MBP: variants seen among roughly 807,000 people sequenced by gnomAD.
MBP encodes myelin basic protein, also known as Golli-MBP.
In MBP, 16 loss-of-function variants were observed where a neutral mutation model predicts 35.8. That is an observed-to-expected ratio of 0.45 (90% CI 0.30 to 0.68). The LOEUF (loss-of-function observed/expected upper bound fraction) is 0.68, where lower values mean the gene tolerates loss of function less well. MBP is among the 30% of genes least tolerant of loss of function. The pLI, the probability that MBP is intolerant of heterozygous loss-of-function variation, is 0.08. For missense variants in MBP, 380 were observed against 404.7 expected, an observed-to-expected ratio of 0.94 and a Z score of 0.52; for synonymous variants, 143 against 159.6, an observed-to-expected ratio of 0.90 and a Z score of 0.78.
At chr18:77,045,706 T>G (rs1251494692) in intron 3 of MBP, among the ~76,000 whole-genome samples, 1 of 152,220 alleles carries the variant, frequency 6.6e-6, no homozygotes, top group Non-Finnish European at 1.5e-5. Context: ...CAAAGCCATT[T>G]CCAAAGTTGA....
chr18:76,981,560 C>T (rs1458813948), intron 8 of MBP: 1 of 152,232 alleles, frequency 6.6e-6, no homozygotes, highest in African/African-American at 2.4e-5. Context: ...GTTGTGCTTA[C>T]ACAACTCACT....
chr18:76,987,745 A>T, intron 7 of MBP: 1 of 1,002,054 alleles, frequency 1.0e-6, no homozygotes. Context: ...TATAACTTTT[A>T]TACAGTAAGA....
At chr18:77,043,743 G>A (rs572301794) in intron 3 of MBP, among the ~76,000 whole-genome samples, 1 of 152,154 alleles carries the variant, frequency 6.6e-6, no homozygotes, top group African/African-American at 2.4e-5. Flanking sequence ...GTTGCGGCGT[G>A]GTGAGTAAAA....
intron 3 of MBP, among the ~76,000 whole-genome samples, chr18:77,028,683 C>T (rs1170652713): frequency 1.1e-5 from 1 of 88,288 alleles, no homozygotes; most frequent in African/African-American, 3.1e-5. Context: ...TCCTCACTTC[C>T]CAGTAGGGGC....
chr18:77,038,335 G>C (rs1048333427), intron 3 of MBP, among the ~76,000 whole-genome samples: 4 of 152,214 alleles, frequency 2.6e-5, no homozygotes, highest in African/African-American at 9.7e-5. Context: ...TGGCAGCCCT[G>C]GGTTCCAGGT....
intron 4 of MBP, among the ~76,000 whole-genome samples, chr18:76,997,047 G>A (rs780044904): frequency 6.6e-5 from 10 of 152,048 alleles, no homozygotes; most frequent in Non-Finnish European, 1.5e-4. Flanking sequence ...TGCCTAGAGC[G>A]TCCTCCCCCT....
At chr18:77,066,825 C>A (rs562189370) in intron 2 of MBP, among the ~76,000 whole-genome samples, 22 of 152,304 alleles carry the variant, frequency 1.4e-4, no homozygotes, top group Admixed American at 1.4e-3. Flanking sequence ...GAGAATGAGT[C>A]CTTTTAGGGA....
Position 76,986,779 on chromosome 18 carries a change from T to C in MBP, c.750+1716A>G, listed in dbSNP as rs1050699875. ...AAGTCCTTCTGTCTTACTCTATTGC[T>C]TTTCTCCAAAAATAAAGCATTTTTG... On this transcript the variant is annotated intron_variant, in intron 7 of 8. Transcript: ENST00000355994. 3.0e-6 allele frequency: 3 copies of C among 985,350 alleles called. No homozygotes were observed. In the African/African-American group the frequency reaches 5.2e-5, roughly 17 times the overall value. 61.0% of individuals were successfully genotyped at this position (985,350 alleles called of 1,614,324 possible). A position where few individuals can be genotyped will look rare whatever the true frequency, so the allele number is the denominator to read the frequency against.
In MBP at chr18:77,022,910, C is replaced by T. The variant is rs190754244; in HGVS notation, c.140-5642G>A. Among the ~76,000 whole-genome samples, 6 of 152,162 alleles carry T rather than the reference C, an allele frequency of 3.9e-5. No individual in the cohort carries two copies. In the South Asian group the frequency reaches 6.2e-4, roughly 16 times the overall value. ...GTCGTTAATATTGCCTTCAGTCAAA[C>T]GAAATCCCAATGCAGACTTTTACAT... On this transcript the variant is annotated intron_variant, in intron 3 of 8. Transcript: ENST00000355994.
chr18:77,089,940 G>A (rs1975434813), intron 2 of MBP, among the ~76,000 whole-genome samples: 1 of 152,142 alleles, frequency 6.6e-6, no homozygotes, highest in South Asian at 2.1e-4. Context: ...TGTGTCCCTG[G>A]CTGTGACAGG....
intron 3 of MBP, among the ~76,000 whole-genome samples, chr18:77,052,647 C>A (rs1047023775): frequency 3.3e-5 from 5 of 152,226 alleles, no homozygotes; most frequent in African/African-American, 1.2e-4. Flanking sequence ...TTTGTGCTCA[C>A]TGTATATCCC....
intron 1 of MBP, among the ~76,000 whole-genome samples, chr18:77,112,169 G>GCGCGCACA (rs370587502): frequency 2.6e-4 from 39 of 150,994 alleles, no homozygotes; most frequent in East Asian, 1.4e-3. Context: ...CCGTGCACAC[G>GCGCGCACA]CACACACACA....
intron 2 of MBP, among the ~76,000 whole-genome samples, chr18:77,097,978 A>G (rs1975832563): frequency 6.6e-6 from 1 of 151,918 alleles, no homozygotes; most frequent in Non-Finnish European, 1.5e-5. Context: ...GGGGAAGGAC[A>G]CCCCTGTCTC....
chr18:77,098,542 G>A (rs2290824), intron 2 of MBP, among the ~76,000 whole-genome samples: 1,677 of 152,312 alleles, frequency 0.011, 58 homozygotes, highest in East Asian at 0.085. Flanking sequence ...ACCTGCATTT[G>A]GAAAGAGCAC....
At chr18:77,035,255 C>T (rs150965815) in intron 3 of MBP, among the ~76,000 whole-genome samples, 1,632 of 152,308 alleles carry the variant, frequency 0.011, 22 homozygotes, top group African/African-American at 0.033. Flanking sequence ...CTGGGACCCA[C>T]CTGTGTCCCG....
chr18:77,068,829 A>T (rs1291752269), intron 2 of MBP, among the ~76,000 whole-genome samples: 2 of 151,488 alleles, frequency 1.3e-5, no homozygotes, highest in Non-Finnish European at 2.9e-5. Context: ...AAACAAACTG[A>T]TGTCTGGCAT....
At chr18:76,997,935 G>A (rs939437990) in intron 4 of MBP, among the ~76,000 whole-genome samples, 10 of 151,976 alleles carry the variant, frequency 6.6e-5, no homozygotes, top group Non-Finnish European at 5.9e-5. Flanking sequence ...GCCCGCCTCG[G>A]CCTCCCAAAG....
chr18:76,989,735 A>G lies in MBP; in HGVS notation c.681+221T>C, dbSNP rs1255528542. 2 of 526,286 alleles carry G rather than the reference A, an allele frequency of 3.8e-6. No homozygotes were observed. The highest frequency in any genetic ancestry group is 6.8e-6 in the Non-Finnish European group (2 of 292,966). 32.6% of individuals were successfully genotyped at this position (526,286 alleles called of 1,614,324 possible). ...TCAAGAGAAGTGAGCTCTCTGGAGA[A>G]CGCACGGAGCGCACGGTGCAATCCG... On this transcript the variant is annotated intron_variant, in intron 5 of 8. Coordinates refer to ENST00000355994, the MANE Select transcript of MBP (RefSeq NM_001025101.2). The surrounding 1 kb of genome is among the most constrained non-coding windows in gnomAD (Gnocchi z 4.0).
At chr18:76,985,473 C>A in intron 7 of MBP, 1 of 1,186,742 alleles carries the variant, frequency 8.4e-7, no homozygotes, top group Non-Finnish European at 1.1e-6. Flanking sequence ...AATGTCGAGC[C>A]TCGTATCTTT....
Sources: gnomAD v4.1 joint callset for allele counts (sites outside exome capture counted in the v4.1 genomes callset) on GRCh38, gnomAD v4.1.1 for gene constraint, Gnocchi (gnomAD v3.1) non-coding constraint, MANE v1.5 for transcripts, NCBI Gene and HGNC (gene_info 2026-07-23, HGNC 2026-07-21) for gene names.